Variants in KIF4A observed in about 807,000 individuals in gnomAD.
The protein encoded by KIF4A is kinesin family member 4A.
In KIF4A, 7 loss-of-function variants were observed where a neutral mutation model predicts 105.9. The ratio of observed to expected loss-of-function variants is 0.07; its 90% CI spans 0.04 to 0.12. The LOEUF (loss-of-function observed/expected upper bound fraction) is 0.12, where lower values mean the gene tolerates loss of function less well. Ranked by LOEUF, KIF4A falls within the 10% of genes least tolerant of loss-of-function variation. The pLI is 1.00. For missense variants in KIF4A, 558 were observed against 929.2 expected (o/e 0.60, Z 5.19); for synonymous variants, 281 against 331.3 (o/e 0.85, Z 1.65).
chrX:70,380,361 CAA>C (rs1308729753), intron 18 of KIF4A, among the ~76,000 whole-genome samples: 1 of 111,149 alleles, frequency 9.0e-6, no homozygotes, highest in Non-Finnish European at 1.9e-5. Flanking sequence ...CTGAAAAATG[CAA>C]AGTTTGTTTA....
At chrX:70,309,810 G>A (rs150353510) in intron 7 of KIF4A, among the ~76,000 whole-genome samples, 202 of 112,470 alleles carry the variant, frequency 1.8e-3, no homozygotes, top group Middle Eastern at 0.014. Flanking sequence ...TGGGGAGGTC[G>A]AGAAGGGCAG....
intron 7 of KIF4A, among the ~76,000 whole-genome samples, chrX:70,313,570 G>C (rs1254719622): frequency 8.9e-6 from 1 of 111,740 alleles, no homozygotes; most frequent in Non-Finnish European, 1.9e-5. Flanking sequence ...TTGTCCCAGG[G>C]CTTCCTTCTG....
chrX:70,416,994 C>G (rs1341651988), intron 28 of KIF4A, among the ~76,000 whole-genome samples: 1 of 112,858 alleles, frequency 8.9e-6, no homozygotes, highest in Non-Finnish European at 1.9e-5. Context: ...TAACACTGGA[C>G]AAAATGCAGA....
At chrX:70,384,702 C>T (rs984196086) in intron 18 of KIF4A, among the ~76,000 whole-genome samples, 3 of 110,545 alleles carry the variant, frequency 2.7e-5, no homozygotes, top group South Asian at 3.8e-4. Context: ...ACAGCCTGGG[C>T]GACAGAGGGA....
chrX:70,326,929 G>C (rs2085913242), intron 7 of KIF4A, among the ~76,000 whole-genome samples: 2 of 112,080 alleles, frequency 1.8e-5, no homozygotes, highest in African/African-American at 6.5e-5. Flanking sequence ...TTAAGTCTAT[G>C]GTTCTTGCTT....
intron 18 of KIF4A, among the ~76,000 whole-genome samples, chrX:70,380,574 C>T (rs1411534643): frequency 8.9e-6 from 1 of 111,934 alleles, no homozygotes; most frequent in Admixed American, 9.6e-5. Flanking sequence ...TAACATCATA[C>T]TTAATGGTGA....
In KIF4A at chrX:70,420,123, C is replaced by T; in HGVS notation, c.3557C>T (p.Ser1186Phe). Residue 1186 changes from serine (S) to phenylalanine (F), a missense_variant, in exon 31 of 31, where the codon TCC becomes TTC. Transcript: ENST00000374403. ...TCAAAGAAGACTCCCCCAGCTCCCT[C>T]CCCTTTTGACCTCCCAGAGTTGAAA... ...VLSKKTPPAPSPFDLPELKHV... is the reference protein window; with the variant it reads ...VLSKKTPPAPFPFDLPELKHV... The T allele has an allele frequency of 8.3e-7, 1 of 1,211,056 alleles. No individual in the cohort carries two copies. The highest frequency in any genetic ancestry group is 1.1e-6 in the Non-Finnish European group (1 of 895,217).
chrX:70,299,276 C>T lies in KIF4A; in HGVS notation c.516+74C>T. ...ATACTAAAGTTCACATCCCTTTTAT[C>T]TGCCACTGTGGTTTTAAATGACTAC... On this transcript the variant is annotated intron_variant, in intron 5 of 30. Coordinates refer to ENST00000374403, the MANE Select transcript of KIF4A (RefSeq NM_012310.5). 6.0e-6 allele frequency: 5 copies of T among 836,172 alleles called. No homozygotes were observed. In the South Asian group the frequency reaches 8.5e-5, roughly 14 times the overall value. The allele number at this position is 836,172 out of a possible 1,213,427, so 68.9% of individuals were successfully genotyped here.
intron 28 of KIF4A, among the ~76,000 whole-genome samples, chrX:70,407,747 A>G (rs917543120): frequency 1.8e-5 from 2 of 111,698 alleles, no homozygotes; most frequent in Non-Finnish European, 3.8e-5. Flanking sequence ...ATTCTCATAT[A>G]TATTACCACT....
chrX:70,296,083 CTTTTTTT>C (rs386417082), intron 3 of KIF4A, among the ~76,000 whole-genome samples: 2 of 65,029 alleles, frequency 3.1e-5, no homozygotes, highest in African/African-American at 6.2e-5. Flanking sequence ...ATAAATGATG[CTTTTTTT>C]TTTTTTTTTT....
chrX:70,325,123 A>G (rs2085905939), intron 7 of KIF4A, among the ~76,000 whole-genome samples: 1 of 112,289 alleles, frequency 8.9e-6, no homozygotes, highest in Non-Finnish European at 1.9e-5. Flanking sequence ...TTTTAAAAGC[A>G]TAGGAGCTTT....
intron 7 of KIF4A, 127 bp from the exon 8 acceptor site, chrX:70,329,278 A>T: frequency 1.6e-6 from 1 of 607,622 alleles, no homozygotes. Context: ...CAAGATTAAG[A>T]AGTTTTCTCA....
intron 20 of KIF4A, among the ~76,000 whole-genome samples, chrX:70,395,048 C>T (rs1004787265): frequency 1.8e-5 from 2 of 112,053 alleles, no homozygotes; most frequent in African/African-American, 6.5e-5. Context: ...CAGTTCAAGA[C>T]CAGCCTGGCC....
At chrX:70,317,822 G>A (rs775063471) in intron 7 of KIF4A, among the ~76,000 whole-genome samples, 40 of 110,315 alleles carry the variant, frequency 3.6e-4, no homozygotes, top group African/African-American at 1.2e-3. Flanking sequence ...GGAATTACAG[G>A]CGTAAGCCAC....
At chrX:70,320,160 T>C (rs183696517) in intron 7 of KIF4A, among the ~76,000 whole-genome samples, 124 of 111,698 alleles carry the variant, frequency 1.1e-3, no homozygotes, top group Non-Finnish European at 2.0e-3. Context: ...CAATTAGGAA[T>C]GAGTACCCAT....
At chrX:70,367,481 G>A (rs1164938023) in intron 15 of KIF4A, among the ~76,000 whole-genome samples, 2 of 111,464 alleles carry the variant, frequency 1.8e-5, no homozygotes, top group Non-Finnish European at 3.8e-5. Flanking sequence ...GCTTGTCTGC[G>A]AAGGATTTTA....
chrX:70,323,449 T>C (rs1176543734), intron 7 of KIF4A, among the ~76,000 whole-genome samples: 1 of 111,437 alleles, frequency 9.0e-6, no homozygotes, highest in Non-Finnish European at 1.9e-5. Flanking sequence ...GCCTGAGTTC[T>C]TTCTCCCTTT....
At chrX:70,417,390 T>A (rs1350079164) in intron 28 of KIF4A, among the ~76,000 whole-genome samples, 1 of 111,788 alleles carries the variant, frequency 8.9e-6, no homozygotes, top group African/African-American at 3.3e-5. Context: ...CTCACACCTG[T>A]AATCCCAGCA....
chrX:70,304,208 C>T (rs1463792024), intron 7 of KIF4A, among the ~76,000 whole-genome samples: 16 of 99,228 alleles, frequency 1.6e-4, no homozygotes, highest in South Asian at 5.3e-4. Flanking sequence ...TTTGTCCTTG[C>T]GATAGTTTAC....
Sources: allele counts gnomAD v4.1 joint callset (sites outside exome capture counted in the v4.1 genomes callset), GRCh38; gene constraint gnomAD v4.1.1; transcripts MANE v1.5; gene names NCBI Gene and HGNC (gene_info 2026-07-23, HGNC 2026-07-21).